TLL1: variants seen among roughly 807,000 people sequenced by gnomAD.
TLL1 encodes the protein tolloid like 1.
TLL1 carries 49 observed loss-of-function variants against 128.2 expected under a neutral mutation model. The observed-to-expected ratio is 0.38, with a 90% CI of 0.30 to 0.48. The LOEUF is 0.48. Ranked by LOEUF, TLL1 falls within the 20% of genes least tolerant of loss-of-function variation. The probability of loss-of-function intolerance (pLI) is 0.96; values close to 1 mark genes in which losing one functional copy is unlikely to be tolerated. For synonymous variants in TLL1, 454 were observed against 418.8 expected, an observed-to-expected ratio of 1.08 and a Z score of -1.03; for missense variants, 1,123 against 1,242.0, an observed-to-expected ratio of 0.90 and a Z score of 1.44.
At chr4:165,896,840 T>C (rs1731706263) in intron 1 of TLL1, among the ~76,000 whole-genome samples, 2 of 152,168 alleles carry the variant, frequency 1.3e-5, no homozygotes, top group Non-Finnish European at 2.9e-5. Flanking sequence ...TCTTTCACAA[T>C]GGTTGAACTA....
intron 1 of TLL1, among the ~76,000 whole-genome samples, chr4:165,922,570 C>G (rs1733084443): frequency 6.6e-6 from 1 of 152,174 alleles, no homozygotes; most frequent in African/African-American, 2.4e-5. Flanking sequence ...TTCAGACTTA[C>G]AAGTCATTAC....
intron 16 of TLL1, among the ~76,000 whole-genome samples, chr4:166,068,348 C>T (rs1200201900): frequency 1.3e-5 from 2 of 151,764 alleles, no homozygotes; most frequent in Non-Finnish European, 2.9e-5. Flanking sequence ...AAAAGATTAT[C>T]TAATTTAATT....
intron 1 of TLL1, among the ~76,000 whole-genome samples, chr4:165,970,289 C>CT (rs1735575764): frequency 6.6e-6 from 1 of 151,924 alleles, no homozygotes; most frequent in Non-Finnish European, 1.5e-5. Context: ...CTTGTGGAAC[C>CT]TTTTTTTCTT....
At chr4:166,014,777 C>G (rs1298014186) in intron 8 of TLL1, among the ~76,000 whole-genome samples, 1 of 151,924 alleles carries the variant, frequency 6.6e-6, no homozygotes, top group Non-Finnish European at 1.5e-5. Flanking sequence ...AGTTCAAACA[C>G]AGGGATAGTA....
chr4:166,078,972 A>G (rs1741162946), intron 18 of TLL1, among the ~76,000 whole-genome samples: 2 of 152,178 alleles, frequency 1.3e-5, no homozygotes, highest in Non-Finnish European at 2.9e-5. Flanking sequence ...TTTATGTACA[A>G]CATTATAATA....
chr4:166,093,768 G>A (rs747594123), intron 19 of TLL1, among the ~76,000 whole-genome samples: 19 of 152,224 alleles, frequency 1.2e-4, no homozygotes, highest in Non-Finnish European at 2.1e-4. Flanking sequence ...GCGGCTTTCC[G>A]CAGTGCATTG....
intron 1 of TLL1, among the ~76,000 whole-genome samples, chr4:165,901,685 C>T (rs1731999029): frequency 6.6e-6 from 1 of 152,170 alleles, no homozygotes; most frequent in African/African-American, 2.4e-5. Flanking sequence ...CTGTTGAACC[C>T]TGCTGGGAGG....
At chr4:165,989,271 C>G in intron 1 of TLL1, 110 bp from the exon 2 acceptor site, 2 of 800,090 alleles carry the variant, frequency 2.5e-6, no homozygotes, top group South Asian at 1.5e-5. Flanking sequence ...AAAGATCTGT[C>G]TCTATCCAGA....
chr4:166,082,531 T>A (rs1007596348), intron 18 of TLL1, among the ~76,000 whole-genome samples: 1 of 152,164 alleles, frequency 6.6e-6, no homozygotes, highest in African/African-American at 2.4e-5. Flanking sequence ...GAACAATACT[T>A]TATAATAACA....
At chr4:166,072,222 C>T (rs1740826176) in intron 16 of TLL1, among the ~76,000 whole-genome samples, 1 of 151,954 alleles carries the variant, frequency 6.6e-6, no homozygotes, top group African/African-American at 2.4e-5. Context: ...CATTTTCATG[C>T]ACCCTTGATT....
chr4:165,924,693 A>G (rs1048707805), intron 1 of TLL1, among the ~76,000 whole-genome samples: 3 of 152,240 alleles, frequency 2.0e-5, no homozygotes, highest in African/African-American at 4.8e-5. Context: ...CATATTTTCA[A>G]TGTAGATGGA....
chr4:166,011,082 A>C (rs1737672271), intron 7 of TLL1, among the ~76,000 whole-genome samples: 1 of 151,338 alleles, frequency 6.6e-6, no homozygotes, highest in Non-Finnish European at 1.5e-5. Context: ...AGTTCTGCAA[A>C]GTTGGAGTGT....
chr4:166,078,216 C>T (rs144334374), intron 18 of TLL1, among the ~76,000 whole-genome samples, 186 bp downstream of exon 18: 1 of 152,068 alleles, frequency 6.6e-6, no homozygotes, highest in Non-Finnish European at 1.5e-5. Flanking sequence ...GTGACTGCCA[C>T]GTTGTTCTCC....
intron 20 of TLL1, among the ~76,000 whole-genome samples, chr4:166,100,276 G>GA (rs768010032): frequency 1.3e-5 from 2 of 152,182 alleles, no homozygotes; most frequent in East Asian, 3.9e-4. Flanking sequence ...GAAATATAAT[G>GA]AAAAAGCTTC....
chr4:165,924,501 G>A (rs114272668), intron 1 of TLL1, among the ~76,000 whole-genome samples: 2,485 of 152,308 alleles, frequency 0.016, 68 homozygotes, highest in African/African-American at 0.056. Context: ...GCTGAGTGAG[G>A]TGAGGAAGCT....
At chr4:165,930,418 T>G (rs1269293905) in intron 1 of TLL1, among the ~76,000 whole-genome samples, 1 of 152,202 alleles carries the variant, frequency 6.6e-6, no homozygotes, top group East Asian at 1.9e-4. Context: ...ACTTATATTC[T>G]TTTATTCTGT....
chr4:166,007,104 A>G (rs1737475821), intron 6 of TLL1, among the ~76,000 whole-genome samples: 1 of 151,656 alleles, frequency 6.6e-6, no homozygotes, highest in South Asian at 2.1e-4. Context: ...GATTTGTACA[A>G]TCTTTGGGTA....
chr4:166,045,939 ACT>A (rs1344217505), intron 12 of TLL1, among the ~76,000 whole-genome samples: 1 of 151,894 alleles, frequency 6.6e-6, no homozygotes, highest in East Asian at 1.9e-4. Flanking sequence ...CTAAATCATC[ACT>A]CTGTTTTATT....
chr4:165,958,323 A>T (rs1323555971), intron 1 of TLL1, among the ~76,000 whole-genome samples: 1 of 126,026 alleles, frequency 7.9e-6, no homozygotes, highest in Non-Finnish European at 1.6e-5. Flanking sequence ...TTACAGTCCC[A>T]CCAACAGTGT....
Sources: gnomAD v4.1 joint callset for allele counts (sites outside exome capture counted in the v4.1 genomes callset) on GRCh38, gnomAD v4.1.1 for gene constraint, MANE v1.5 for transcripts, NCBI Gene and HGNC (gene_info 2026-07-23, HGNC 2026-07-21) for gene names.